The following GRIA1 variants were observed in gnomAD, a reference collection of about 807,000 sequenced individuals.
GRIA1 encodes the protein glutamate ionotropic receptor AMPA type subunit 1.
GRIA1 carries 31 observed loss-of-function variants against 99.2 expected under a neutral mutation model. The ratio of observed to expected loss-of-function variants is 0.31; its 90% CI spans 0.23 to 0.42. GRIA1 has a LOEUF of 0.42. Among genes scored for constraint, GRIA1 ranks in the 10% least tolerant of loss-of-function variants. The probability of loss-of-function intolerance (pLI) is 1.00; values close to 1 mark genes in which losing one functional copy is unlikely to be tolerated. For missense variants in GRIA1, 782 were observed against 1,157.5 expected (o/e 0.68, Z 4.71); for synonymous variants, 438 against 432.4 (o/e 1.01, Z -0.16).
chr5:153,776,243 GT>G (rs1764245202), intron 13 of GRIA1, among the ~76,000 whole-genome samples: 4 of 152,344 alleles, frequency 2.6e-5, no homozygotes, highest in Admixed American at 2.6e-4. Context: ...CTTGGGAGAA[GT>G]GGTGGGCTCT....
At chr5:153,615,266 C>G (rs1224474169) in intron 2 of GRIA1, among the ~76,000 whole-genome samples, 1 of 152,168 alleles carries the variant, frequency 6.6e-6, no homozygotes, top group Non-Finnish European at 1.5e-5. Flanking sequence ...CAAGGCACAA[C>G]AAGGCACAAA....
At chr5:153,714,616 A>G (rs1759539328) in intron 11 of GRIA1, among the ~76,000 whole-genome samples, 1 of 152,222 alleles carries the variant, frequency 6.6e-6, no homozygotes, top group Non-Finnish European at 1.5e-5. Flanking sequence ...ATCTGTGACC[A>G]AGAAACCCAG....
At chr5:153,614,389 A>G (rs1203917344) in intron 2 of GRIA1, among the ~76,000 whole-genome samples, 1 of 152,218 alleles carries the variant, frequency 6.6e-6, no homozygotes, top group Non-Finnish European at 1.5e-5. Context: ...CATCTGTTAA[A>G]AACTTGCTAG....
intron 2 of GRIA1, among the ~76,000 whole-genome samples, chr5:153,542,545 T>C (rs1379221178): frequency 6.6e-6 from 1 of 152,246 alleles, no homozygotes; most frequent in African/African-American, 2.4e-5. Context: ...ATTATCACTT[T>C]ACTAAGAGTA....
chr5:153,570,873 A>G (rs1384019736), intron 2 of GRIA1, among the ~76,000 whole-genome samples: 1 of 152,206 alleles, frequency 6.6e-6, no homozygotes, highest in Non-Finnish European at 1.5e-5. Flanking sequence ...CAAATAGAAT[A>G]AGGAGTCCCC....
chr5:153,637,423 G>A (rs899737950), intron 2 of GRIA1, among the ~76,000 whole-genome samples: 3 of 152,170 alleles, frequency 2.0e-5, no homozygotes, highest in African/African-American at 7.2e-5. Context: ...CTCTATGACT[G>A]TTCTTAGGTG....
chr5:153,760,414 A>G (rs1389122552), intron 11 of GRIA1, among the ~76,000 whole-genome samples: 4 of 152,074 alleles, frequency 2.6e-5, no homozygotes, highest in Admixed American at 2.0e-4. Context: ...AGAAATCAAG[A>G]AAGCAATTCC....
At chr5:153,637,232 T>A (rs79603448) in intron 2 of GRIA1, among the ~76,000 whole-genome samples, 4,764 of 152,292 alleles carry the variant, frequency 0.031, 232 homozygotes, top group African/African-American at 0.11. Context: ...TATGCAAACA[T>A]CATGTGAGGT....
chr5:153,551,204 G>A lies in GRIA1; in HGVS notation c.220+57139G>A, dbSNP rs143399194. On this transcript the variant is annotated intron_variant, in intron 2 of 15. Transcript: ENST00000285900. Reference sequence around the variant, plus strand: ...TCTGTAGCATTCCCTACACCAAATCGGCCTTGCTCGGTCATGCATAGTTAA... The same window carrying A: ...TCTGTAGCATTCCCTACACCAAATCAGCCTTGCTCGGTCATGCATAGTTAA... Among the ~76,000 whole-genome samples, 391 of 152,194 alleles carry A rather than the reference G, an allele frequency of 2.6e-3. 1 individual carries two copies. Among genetic ancestry groups the A allele is most frequent in the African/African-American group, 8.7e-3 (360 of 41,520 alleles).
At chr5:153,802,611 A>T (rs562254984) in intron 15 of GRIA1, 121 bp downstream of exon 15, 1 of 970,026 alleles carries the variant, frequency 1.0e-6, no homozygotes, top group African/African-American at 1.6e-5. Flanking sequence ...ACAAGACAGG[A>T]AGCAGGAAGC....
intron 2 of GRIA1, among the ~76,000 whole-genome samples, chr5:153,638,914 T>A (rs2149444395): frequency 1.3e-5 from 2 of 152,258 alleles, no homozygotes; most frequent in South Asian, 4.2e-4. Context: ...ATGGAAAGGA[T>A]CTGCAAAGAT....
At chr5:153,562,334 G>A (rs1040067483) in intron 2 of GRIA1, among the ~76,000 whole-genome samples, 1 of 152,094 alleles carries the variant, frequency 6.6e-6, no homozygotes. Flanking sequence ...GGGGTGGAGG[G>A]AGGGCAGTTC....
chr5:153,705,571 C>T, intron 10 of GRIA1, 126 bp from the exon 11 acceptor site: 1 of 1,263,254 alleles, frequency 7.9e-7, no homozygotes, highest in Non-Finnish European at 1.0e-6. Context: ...TTCAAAGGTT[C>T]TTTCCCACTC....
chr5:153,791,901 C>T (rs933691407), intron 13 of GRIA1, among the ~76,000 whole-genome samples: 1 of 133,574 alleles, frequency 7.5e-6, no homozygotes, highest in African/African-American at 2.8e-5. Flanking sequence ...TTCATTTGTT[C>T]ATTTGGAAAA....
At chr5:153,786,637 A>C (rs1764978134) in intron 13 of GRIA1, among the ~76,000 whole-genome samples, 1 of 152,182 alleles carries the variant, frequency 6.6e-6, no homozygotes, top group African/African-American at 2.4e-5. Context: ...TTTATAATCA[A>C]GTTGAAGACT....
chr5:153,721,640 T>A (rs937526646), intron 11 of GRIA1, among the ~76,000 whole-genome samples: 1 of 152,222 alleles, frequency 6.6e-6, no homozygotes, highest in African/African-American at 2.4e-5. Flanking sequence ...TGTGTCTGGC[T>A]CTTTTTGCCC....
chr5:153,622,331 T>C (rs1767132897), intron 2 of GRIA1, among the ~76,000 whole-genome samples: 1 of 152,132 alleles, frequency 6.6e-6, no homozygotes, highest in Non-Finnish European at 1.5e-5. Context: ...TCCAAACGAG[T>C]ACCTCATCTA....
chr5:153,675,927 G>A (rs1756539353), intron 6 of GRIA1, among the ~76,000 whole-genome samples: 1 of 151,556 alleles, frequency 6.6e-6, no homozygotes, highest in Admixed American at 6.6e-5. Context: ...CATGATCTCG[G>A]CTCACTGCAA....
At chr5:153,591,407 G>T (rs573356727) in intron 2 of GRIA1, among the ~76,000 whole-genome samples, 9 of 152,198 alleles carry the variant, frequency 5.9e-5, no homozygotes, top group African/African-American at 2.2e-4. Flanking sequence ...ATTGAGTATC[G>T]CACGAAAACC....
Sources: gnomAD v4.1 joint callset for allele counts (sites outside exome capture counted in the v4.1 genomes callset) on GRCh38, gnomAD v4.1.1 for gene constraint, MANE v1.5 for transcripts, NCBI Gene and HGNC (gene_info 2026-07-23, HGNC 2026-07-21) for gene names.